PREX2: variants seen among roughly 807,000 people sequenced by gnomAD.
The protein encoded by PREX2 is phosphatidylinositol-3,4,5-trisphosphate dependent Rac exchange factor 2.
Under a neutral mutation model 203.2 loss-of-function variants are expected in PREX2, and 107 were observed. The observed-to-expected ratio is 0.53, with a 90% CI of 0.45 to 0.62. The LOEUF (loss-of-function observed/expected upper bound fraction) is 0.62. PREX2 is among the 20% of genes least tolerant of loss of function. PREX2 has a pLI of 0.00. For missense variants in PREX2, 1,777 were observed against 1,955.9 expected (o/e 0.91, Z 1.72); for synonymous variants, 672 against 663.6 (o/e 1.01, Z -0.19).
In PREX2 at chr8:68,159,683, G is replaced by A. The variant is rs538048159; in HGVS notation, c.4346+2247G>A. On this transcript the variant is annotated intron_variant, in intron 35 of 39. Transcript: ENST00000288368. ...GGGTTTTTTTAATTGGCTCTATAAA[G>A]TCCACATCAATTCCTCAAAGCAGTC... 5.9e-5 allele frequency among the ~76,000 whole-genome samples: 9 copies of A among 152,202 alleles called. No homozygotes were observed. The South Asian group carries it at 1.7e-3, about 28-fold the overall frequency.
At chr8:68,059,293 C>CT (rs5892129) in intron 10 of PREX2, among the ~76,000 whole-genome samples, 88,927 of 151,078 alleles carry the variant, frequency 0.59, 28,071 homozygotes, top group African/African-American at 0.83. Context: ...ACCACGTGAC[C>CT]TTTTTTTTTA....
At chr8:68,048,612 A>G (rs1297904675) in intron 8 of PREX2, among the ~76,000 whole-genome samples, 1 of 152,058 alleles carries the variant, frequency 6.6e-6, no homozygotes, top group Non-Finnish European at 1.5e-5. Context: ...GTGCTTATTA[A>G]AGAAACTTTG....
chr8:68,054,427 GATCTTT>G (rs1444759306), intron 9 of PREX2, among the ~76,000 whole-genome samples: 3 of 151,578 alleles, frequency 2.0e-5, no homozygotes, highest in African/African-American at 4.9e-5. Context: ...AACTGCTTAT[GATCTTT>G]ATCTTTATAT....
chr8:68,083,259 G>T lies in PREX2; in HGVS notation c.1898G>T (p.Gly633Val). The change falls in exon 18 of 40, where the codon GGG (glycine) becomes GTG (valine). Residue 633 changes from glycine (G) to valine (V), a missense_variant. By Grantham distance (109) the Gly-to-Val change is moderately radical (BLOSUM62 -3). Coordinates refer to ENST00000288368, the MANE Select transcript of PREX2 (RefSeq NM_024870.4). ...SNAEMAGMEV[G>V]KKIFAINGDL... ...TCTTAGATGGCTGGCATGGAAGTCG[G>T]GAAAAAGATTTTTGCTATTAATGGT... The T allele has an allele frequency of 6.3e-7, 1 of 1,594,536 alleles. No individual in the cohort carries two copies.
chr8:68,174,116 C>A (rs1811934307), intron 35 of PREX2, among the ~76,000 whole-genome samples: 1 of 152,084 alleles, frequency 6.6e-6, no homozygotes. Flanking sequence ...TGCTCAGCTC[C>A]TTTTTGCTGA....
intron 1 of PREX2, among the ~76,000 whole-genome samples, chr8:67,991,233 TTAAG>T (rs915423435): frequency 6.6e-5 from 10 of 152,210 alleles, no homozygotes; most frequent in Admixed American, 5.9e-4. Flanking sequence ...CATACAACTC[TTAAG>T]TAAGTGGTAG....
At chr8:68,003,936 C>T (rs1231227272) in intron 1 of PREX2, among the ~76,000 whole-genome samples, 1 of 150,730 alleles carries the variant, frequency 6.6e-6, no homozygotes, top group East Asian at 2.0e-4. Flanking sequence ...GCAACGTCTG[C>T]CTCCCCCGTT....
At chr8:68,020,159 T>C (rs1007899495) in intron 3 of PREX2, among the ~76,000 whole-genome samples, 1 of 152,142 alleles carries the variant, frequency 6.6e-6, no homozygotes, top group Non-Finnish European at 1.5e-5. Context: ...TACTGAGCAG[T>C]GCAGATGCAA....
intron 1 of PREX2, among the ~76,000 whole-genome samples, chr8:67,991,478 G>A (rs148697548): frequency 7.2e-4 from 109 of 152,230 alleles, no homozygotes; most frequent in East Asian, 5.2e-3. Context: ...CAATCATGGC[G>A]GAAGGTAAAG....
intron 15 of PREX2, among the ~76,000 whole-genome samples, chr8:68,079,301 A>C (rs1220635401): frequency 6.6e-6 from 1 of 152,256 alleles, no homozygotes; most frequent in African/African-American, 2.4e-5. Flanking sequence ...CAATAAAGCC[A>C]TTCATCCAGT....
intron 35 of PREX2, among the ~76,000 whole-genome samples, chr8:68,158,559 A>G (rs1811592703): frequency 6.6e-6 from 1 of 152,148 alleles, no homozygotes; most frequent in South Asian, 2.1e-4. Flanking sequence ...CAGAAATAAC[A>G]TTGACAAGTG....
intron 31 of PREX2, 82 bp from the exon 32 acceptor site, chr8:68,133,977 A>G: frequency 9.5e-7 from 1 of 1,049,394 alleles, no homozygotes; most frequent in East Asian, 2.4e-5. Context: ...ATGAAATGCT[A>G]GTGAATGTAG....
chr8:68,196,347 T>G (rs1585858070), intron 37 of PREX2, among the ~76,000 whole-genome samples: 1 of 149,250 alleles, frequency 6.7e-6, no homozygotes, highest in South Asian at 2.1e-4. Context: ...ACATCCTTTT[T>G]CATTTTCATT....
At chr8:68,105,261 C>T in intron 23 of PREX2, 2 of 1,367,826 alleles carry the variant, frequency 1.5e-6, no homozygotes, top group Non-Finnish European at 2.0e-6. Context: ...CCTCCTGCTG[C>T]CTCCTCCTCT....
intron 5 of PREX2, among the ~76,000 whole-genome samples, chr8:68,029,325 A>G (rs919418817): frequency 2.0e-5 from 3 of 152,088 alleles, no homozygotes; most frequent in Non-Finnish European, 2.9e-5. Context: ...TATGGCCTGC[A>G]GACTGACTTG....
At chr8:67,988,173 C>T (rs933863248) in intron 1 of PREX2, among the ~76,000 whole-genome samples, 1 of 152,188 alleles carries the variant, frequency 6.6e-6, no homozygotes, top group African/African-American at 2.4e-5. Flanking sequence ...CCACAGTTAC[C>T]TTACTATCTG....
At chr8:68,086,101 A>C (rs550611075) in intron 18 of PREX2, among the ~76,000 whole-genome samples, 8 of 152,206 alleles carry the variant, frequency 5.3e-5, no homozygotes, top group Non-Finnish European at 8.8e-5. Context: ...AAGGAAATGA[A>C]TACAGCCCTG....
intron 35 of PREX2, among the ~76,000 whole-genome samples, chr8:68,173,048 G>A (rs1811910576): frequency 6.6e-6 from 1 of 151,990 alleles, no homozygotes; most frequent in Non-Finnish European, 1.5e-5. Context: ...TGTTTTAATT[G>A]GACTTGTTGG....
chr8:67,956,411 G>A (rs987460911), intron 1 of PREX2, among the ~76,000 whole-genome samples: 1 of 152,182 alleles, frequency 6.6e-6, no homozygotes, highest in Non-Finnish European at 1.5e-5. Context: ...TTAATGCTCT[G>A]CTATTGCCAT....
Sources: gnomAD v4.1 joint callset for allele counts (sites outside exome capture counted in the v4.1 genomes callset) on GRCh38, gnomAD v4.1.1 for gene constraint, MANE v1.5 for transcripts, NCBI Gene and HGNC (gene_info 2026-07-23, HGNC 2026-07-21) for gene names.